Variants in CHRM1 observed in about 807,000 individuals in gnomAD.
The protein encoded by CHRM1 is cholinergic receptor muscarinic 1, also known as muscarinic acetylcholine receptor M1.
CHRM1 carries 5 observed loss-of-function variants against 31.6 expected under a neutral mutation model. The ratio of observed to expected loss-of-function variants is 0.16; its 90% CI spans 0.08 to 0.33. CHRM1 has a LOEUF of 0.33. CHRM1 is among the 10% of genes least tolerant of loss of function. The pLI, the probability that CHRM1 is intolerant of heterozygous loss-of-function variation, is 1.00. For missense variants in CHRM1, 338 were observed against 610.3 expected, an observed-to-expected ratio of 0.55 and a Z score of 4.70; for synonymous variants, 227 against 249.7, an observed-to-expected ratio of 0.91 and a Z score of 0.86.
intron 1 of CHRM1, among the ~76,000 whole-genome samples, chr11:62,919,036 AG>A (rs955049806): frequency 1.3e-5 from 2 of 150,838 alleles, no homozygotes; most frequent in Non-Finnish European, 3.0e-5. Flanking sequence ...AGGTATGTGG[AG>A]GGGGCTGTGG....
chr11:62,918,718 C>T (rs2085914110), intron 1 of CHRM1, among the ~76,000 whole-genome samples: 1 of 152,192 alleles, frequency 6.6e-6, no homozygotes, highest in Non-Finnish European at 1.5e-5. Context: ...GCCTTTATTA[C>T]AGCAGGCCAG....
Position 62,909,754 on chromosome 11 carries a change from A to C in CHRM1, c.1347T>G (p.Pro449=). Residue 449 remains proline (P), a synonymous_variant, in exon 2 of 2, where the codon CCT becomes CCG. Coordinates refer to ENST00000306960, the MANE Select transcript of CHRM1 (RefSeq NM_000738.3). ...GGGAGGGAGTGCGGTGCACGGAGCC[A>C]GGGCGCTTGGGGATCTTGCGCCAGC... ...KRRWRKIPKR[P]GSVHRTPSRQ... is the part of the protein sequence containing the mutation. 6.2e-7 allele frequency: 1 copy of C among 1,614,088 alleles called. No individual in the cohort carries two copies. The highest frequency in any genetic ancestry group is 8.5e-7 in the Non-Finnish European group (1 of 1,179,930).
At chr11:62,916,943 C>T (rs1405825822) in intron 1 of CHRM1, 1 of 152,274 alleles carries the variant, frequency 6.6e-6, no homozygotes, top group Admixed American at 6.5e-5. Context: ...TTGCCACCGT[C>T]TAGATCTTCT....
In CHRM1 at chr11:62,909,378, C is replaced by G. The variant is rs1270381574; in HGVS notation, c.*340G>C. 3.3e-6 allele frequency: 1 copy of G among 299,034 alleles called. No homozygotes were observed. The highest frequency in any genetic ancestry group is 6.2e-6 in the Non-Finnish European group (1 of 160,376). 18.5% of individuals were successfully genotyped at this position (299,034 alleles called of 1,614,324 possible). On this transcript the variant is annotated 3_prime_UTR_variant, in exon 2 of 2. Coordinates refer to ENST00000306960, the MANE Select transcript of CHRM1 (RefSeq NM_000738.3). Reference sequence around the variant, plus strand: ...CAAGGAATACTTAATGTTAAGCCTTCTTTCTCCTGGCCCGCCCTGCTGGCT... The same window carrying G: ...CAAGGAATACTTAATGTTAAGCCTTGTTTCTCCTGGCCCGCCCTGCTGGCT...
At chr11:62,921,596 AC>A (rs897196684), upstream of CHRM1, 1 of 152,808 alleles carries the variant, frequency 6.5e-6, no homozygotes, top group Non-Finnish European at 1.5e-5. Flanking sequence ...AAAGTCCCGG[AC>A]GGGAGAGAAG....
Position 62,910,764 on chromosome 11 carries a change from C to T in CHRM1, c.337G>A (p.Val113Ile). ...AAGCTGATGAGCAGCAGATTCATGA[C>T]GGAGGCATTGCTGGCCACATAGTCC... The part of the protein sequence containing the change: ...ALDYVASNAS[V>I]MNLLLISFDR... Residue 113 changes from valine to isoleucine, a missense_variant, in exon 2 of 2, where the codon GTC becomes ATC. Val to Ile is a conservative substitution (Grantham distance 29). Transcript: ENST00000306960. This position sits in a 1 kb window ranked among gnomAD's most constrained non-coding sequence, Gnocchi z 8.7. 1.9e-6 allele frequency: 3 copies of T among 1,614,150 alleles called. No individual in the cohort carries two copies. The highest frequency in any genetic ancestry group is 1.1e-5 in the South Asian group (1 of 91,084).
In CHRM1 at chr11:62,910,801, G is replaced by A. The variant is rs1302136182; in HGVS notation, c.300C>T (p.Leu100=). 25 of 1,614,074 alleles carry A rather than the reference G, an allele frequency of 1.5e-5. No individual in the cohort carries two copies. Among genetic ancestry groups the A allele is most frequent in the Non-Finnish European group, 2.1e-5 (25 of 1,180,048 alleles). The change falls in exon 2 of 2, where the codon CTC becomes CTT. Residue 100 remains leucine (L), a synonymous_variant. Transcript: ENST00000306960. This position sits in a 1 kb window ranked among gnomAD's most constrained non-coding sequence, Gnocchi z 8.7. The stretch of plus-strand genomic sequence containing the variant: ...TGGCCACATAGTCCAGGGCCAGCCA[G>A]AGGTCACAAGCCAGCGTGCCCAGAG... ...HWALGTLACD[L]WLALDYVASN... is the part of the protein sequence containing the mutation.
rs1049259397 is a variant in CHRM1, at chr11:62,910,546, C to T, written c.555G>A (p.Gln185=). Residue 185 remains glutamine, a synonymous_variant, in exon 2 of 2, where the codon CAG becomes CAA. Coordinates refer to ENST00000306960, the MANE Select transcript of CHRM1 (RefSeq NM_000738.3). This position sits in a 1 kb window ranked among gnomAD's most constrained non-coding sequence, Gnocchi z 8.7. ...AGQCYIQFLS[Q]PIITFGTAMA... Reference sequence around the variant, plus strand: ...TGGCTGTGCCAAAGGTGATGATGGGCTGGGAGAGGAACTGGATGTAGCACT... The same window carrying T: ...TGGCTGTGCCAAAGGTGATGATGGGTTGGGAGAGGAACTGGATGTAGCACT... The T allele has an allele frequency of 1.2e-6, 2 of 1,614,190 alleles. No homozygotes were observed. The highest frequency in any genetic ancestry group is 1.1e-5 in the South Asian group (1 of 91,084).
Position 62,910,015 on chromosome 11 carries a change from C to T in CHRM1, c.1086G>A (p.Lys362=), listed in dbSNP as rs1285056187. ...RKTFSLVKEK[K]AARTLSAILL... ...GGATGGCACTCAGGGTCCGAGCCGC[C>T]TTCTTCTCCTTGACCAGCGAGAAGG... The change falls in exon 2 of 2, where the codon AAG becomes AAA. Residue 362 remains lysine, a synonymous_variant. Coordinates refer to ENST00000306960, the MANE Select transcript of CHRM1 (RefSeq NM_000738.3). The surrounding 1 kb of genome is among the most constrained non-coding windows in gnomAD (Gnocchi z 8.7). 1.9e-6 allele frequency: 3 copies of T among 1,613,942 alleles called. No individual in the cohort carries two copies. Among genetic ancestry groups the T allele is most frequent in the Non-Finnish European group, 2.5e-6 (3 of 1,180,024 alleles).
chr11:62,912,090 C>T (rs2085874018), intron 1 of CHRM1, among the ~76,000 whole-genome samples: 1 of 151,398 alleles, frequency 6.6e-6, no homozygotes, highest in Non-Finnish European at 1.5e-5. Context: ...CTGGGGCAGG[C>T]CGGCGTGGTG....
rs919154265 is a variant in CHRM1, at chr11:62,920,297, C to A, written c.-79+921G>T. Among the ~76,000 whole-genome samples the A allele has an allele frequency of 5.9e-5, 9 of 152,262 alleles. No individual in the cohort carries two copies. The South Asian group carries it at 1.0e-3, about 18-fold the overall frequency. Reference sequence around the variant, plus strand: ...AACCCCTCTCCATTGGCTCTGATAACCTCTAAGCTGCACATGTCTGGATGA... The same window carrying A: ...AACCCCTCTCCATTGGCTCTGATAAACTCTAAGCTGCACATGTCTGGATGA... On this transcript the variant is annotated intron_variant, in intron 1 of 1. Coordinates refer to ENST00000306960, the MANE Select transcript of CHRM1 (RefSeq NM_000738.3).
chr11:62,920,857 C>G (rs2085929759), intron 1 of CHRM1: 1 of 152,154 alleles, frequency 6.6e-6, no homozygotes, highest in East Asian at 1.9e-4. Flanking sequence ...TGCTTCCTGG[C>G]CCTTTGCCCT....
At chr11:62,915,196 A>G (rs903243662) in intron 1 of CHRM1, among the ~76,000 whole-genome samples, 121 of 151,136 alleles carry the variant, frequency 8.0e-4, no homozygotes, top group African/African-American at 2.9e-3. Flanking sequence ...AAAAAAAAAA[A>G]AAAAAAAGCT....
In CHRM1 at chr11:62,912,238, C is replaced by T. The variant is rs192604898; in HGVS notation, c.-78-1060G>A. Among the ~76,000 whole-genome samples the T allele has an allele frequency of 6.6e-4, 101 of 151,964 alleles. 5 individuals carry two copies. The highest frequency in any genetic ancestry group is 5.1e-3 in the Admixed American group (78 of 15,270). ...AAAAAATTAGCCGGGCGTGGTGGCA[C>T]GCATCTGTAGCCCCAGCTACTTGGG... On this transcript the variant is annotated intron_variant, in intron 1 of 1. Transcript: ENST00000306960.
intron 1 of CHRM1, among the ~76,000 whole-genome samples, chr11:62,917,379 T>C (rs923355857): frequency 1.3e-5 from 2 of 152,162 alleles, no homozygotes; most frequent in African/African-American, 4.8e-5. Context: ...AAGGCATCCA[T>C]GGGGGCTGGG....
At position 62,910,142 on chromosome 11, in the gene CHRM1, C is replaced by T. The variant is rs773788891; in HGVS notation, c.959G>A (p.Arg320Gln). The T allele has an allele frequency of 1.4e-5, 22 of 1,607,450 alleles. No individual in the cohort carries two copies. Among genetic ancestry groups the T allele is most frequent in the Middle Eastern group, 1.7e-4 (1 of 6,028 alleles). The change falls in exon 2 of 2, where the codon CGG becomes CAG. Residue 320 changes from arginine (R) to glutamine (Q), a missense_variant. Around this residue, in one of 4 missense-constraint regions of CHRM1, gnomAD observed 183 missense variants for 223.4 expected, o/e 0.82. Coordinates refer to ENST00000306960, the MANE Select transcript of CHRM1 (RefSeq NM_000738.3). This position sits in a 1 kb window ranked among gnomAD's most constrained non-coding sequence, Gnocchi z 8.7. ...EAQAPTKQPP[R>Q]SSPNTVKRPT... Reference sequence around the variant, plus strand: ...CCTCTTGACTGTATTTGGGGAGCTCCGTGGGGGCTGCTTGGTGGGGGCCTG... The same window carrying T: ...CCTCTTGACTGTATTTGGGGAGCTCTGTGGGGGCTGCTTGGTGGGGGCCTG...
intron 1 of CHRM1, among the ~76,000 whole-genome samples, chr11:62,920,199 C>T (rs992416782): frequency 2.6e-5 from 4 of 152,182 alleles, no homozygotes; most frequent in Non-Finnish European, 5.9e-5. Context: ...CTGCCTGACT[C>T]CTTCCAGCCA....
Position 62,910,306 on chromosome 11 carries a change from G to C in CHRM1, c.795C>G (p.Ala265=). The part of the protein sequence containing the change: ...PPGRCCRCCR[A]PRLLQAYSWK... ...AGCTGTAGGCCTGCAGCAGCCTGGG[G>C]GCCCGGCAGCAGCGACAGCAGCGGC... Residue 265 remains alanine (A), a synonymous_variant, in exon 2 of 2, where the codon GCC becomes GCG. Coordinates refer to ENST00000306960, the MANE Select transcript of CHRM1 (RefSeq NM_000738.3). This position sits in a 1 kb window ranked among gnomAD's most constrained non-coding sequence, Gnocchi z 8.7. 6.2e-7 allele frequency: 1 copy of C among 1,612,092 alleles called. No individual in the cohort carries two copies. Among genetic ancestry groups the C allele is most frequent in the South Asian group, 1.1e-5 (1 of 91,076 alleles).
chr11:62,912,143 C>T (rs909306937), intron 1 of CHRM1, among the ~76,000 whole-genome samples: 1 of 151,372 alleles, frequency 6.6e-6, no homozygotes, highest in African/African-American at 2.4e-5. Context: ...CAGAGGCAGG[C>T]GGATCATGAG....
Sources: allele counts gnomAD v4.1 joint callset (sites outside exome capture counted in the v4.1 genomes callset), GRCh38; gene constraint gnomAD v4.1.1; regional missense constraint gnomAD v4.1.1; non-coding constraint Gnocchi (gnomAD v3.1); transcripts MANE v1.5; gene names NCBI Gene and HGNC (gene_info 2026-07-23, HGNC 2026-07-21).